The following PAK5 variants were observed in gnomAD, a reference collection of about 807,000 sequenced individuals.
PAK5 encodes p21 (RAC1) activated kinase 5.
A neutral mutation model predicts 65.9 loss-of-function variants in PAK5; 16 were observed. That is an observed-to-expected ratio of 0.24 (90% CI 0.16 to 0.37). The LOEUF (loss-of-function observed/expected upper bound fraction) is 0.37, where lower values mean the gene tolerates loss of function less well. Among genes scored for constraint, PAK5 ranks in the 10% least tolerant of loss-of-function variants. The probability of loss-of-function intolerance (pLI) is 1.00; values close to 1 mark genes in which losing one functional copy is unlikely to be tolerated. For missense variants in PAK5, 785 were observed against 903.9 expected (o/e 0.87, Z 1.69); for synonymous variants, 371 against 354.9 (o/e 1.05, Z -0.51).
chr20:9,786,327 C>A (rs1047243369), intron 1 of PAK5, among the ~76,000 whole-genome samples: 3 of 151,986 alleles, frequency 2.0e-5, no homozygotes, highest in Non-Finnish European at 4.4e-5. Context: ...CATACTGGCC[C>A]CCAGGAAGTG....
At chr20:9,559,463 A>G (rs2045560373) in intron 6 of PAK5, among the ~76,000 whole-genome samples, 2 of 152,206 alleles carry the variant, frequency 1.3e-5, no homozygotes, top group East Asian at 1.9e-4. Flanking sequence ...TACCAAAGGT[A>G]TAAAGTTGAT....
chr20:9,618,914 C>CTTTTTTT (rs2046714022), intron 3 of PAK5, among the ~76,000 whole-genome samples: 1 of 21,852 alleles, frequency 4.6e-5, no homozygotes, highest in African/African-American at 1.7e-4. Context: ...CTCTTTCTTT[C>CTTTTTTT]GTTTTTTTTT....
chr20:9,595,559 A>T (rs6056729), intron 3 of PAK5, among the ~76,000 whole-genome samples: 33,239 of 152,130 alleles, frequency 0.22, 5,108 homozygotes, highest in African/African-American at 0.44. Flanking sequence ...GATAAAGCAA[A>T]ACACACACAT....
chr20:9,589,995 T>A (rs991831572), intron 3 of PAK5, among the ~76,000 whole-genome samples: 2 of 150,744 alleles, frequency 1.3e-5, no homozygotes, highest in Non-Finnish European at 3.0e-5. Flanking sequence ...TATTACAAAT[T>A]TTTTTTTTTG....
chr20:9,623,340 TC>T (rs2046798055), intron 3 of PAK5, among the ~76,000 whole-genome samples: 1 of 151,728 alleles, frequency 6.6e-6, no homozygotes, highest in African/African-American at 2.4e-5. Flanking sequence ...CAGTGGAAAC[TC>T]CAAGTTAATA....
At chr20:9,754,681 A>G (rs960648047) in intron 1 of PAK5, among the ~76,000 whole-genome samples, 4 of 152,158 alleles carry the variant, frequency 2.6e-5, no homozygotes, top group African/African-American at 9.6e-5. Flanking sequence ...CATAGGCAAG[A>G]AGGGGTTTTG....
At chr20:9,624,360 G>A (rs143241742) in intron 3 of PAK5, among the ~76,000 whole-genome samples, 11 of 152,008 alleles carry the variant, frequency 7.2e-5, no homozygotes, top group African/African-American at 2.2e-4. Flanking sequence ...AGCCCATGAC[G>A]GGTATTCAAT....
chr20:9,658,856 G>C (rs1306803975), intron 2 of PAK5, among the ~76,000 whole-genome samples: 2 of 152,122 alleles, frequency 1.3e-5, no homozygotes, highest in Non-Finnish European at 2.9e-5. Context: ...ATGTGAGCCA[G>C]CTCCAGATAC....
Position 9,699,439 on chromosome 20 carries a change from T to C in PAK5, c.-12+11847A>G, listed in dbSNP as rs192803532. ...TCTGTATGGAAACACCAGTTCCTAG[T>C]AGTAGAGAAATAGCCTTGGGTGTAT... On this transcript the variant is annotated intron_variant, in intron 2 of 9. Transcript: ENST00000353224. Among the ~76,000 whole-genome samples, 36 of 151,972 alleles carry C rather than the reference T, an allele frequency of 2.4e-4. No individual in the cohort carries two copies. In the East Asian group the frequency reaches 4.1e-3, roughly 17 times the overall value.
chr20:9,788,760 A>G (rs1762973020), intron 1 of PAK5, among the ~76,000 whole-genome samples: 1 of 152,142 alleles, frequency 6.6e-6, no homozygotes, highest in African/African-American at 2.4e-5. Flanking sequence ...CTTGTCTTGG[A>G]TAACAAAGGG....
chr20:9,721,461 A>C (rs1341749828), intron 1 of PAK5, among the ~76,000 whole-genome samples: 2 of 151,948 alleles, frequency 1.3e-5, no homozygotes, highest in African/African-American at 4.8e-5. Flanking sequence ...CAGCCTGGCC[A>C]ACATGGTGAA....
chr20:9,609,613 T>A (rs995479048), intron 3 of PAK5, among the ~76,000 whole-genome samples: 2 of 152,144 alleles, frequency 1.3e-5, no homozygotes, highest in Non-Finnish European at 2.9e-5. Flanking sequence ...CCACCAGTGG[T>A]CAAAGCCATC....
intron 1 of PAK5, among the ~76,000 whole-genome samples, chr20:9,748,849 T>C (rs1464376898): frequency 6.6e-6 from 1 of 152,138 alleles, no homozygotes; most frequent in Non-Finnish European, 1.5e-5. Context: ...AATGAGAAAC[T>C]TATTTAATTA....
At chr20:9,813,362 C>G (rs986224695) in intron 1 of PAK5, among the ~76,000 whole-genome samples, 1 of 150,910 alleles carries the variant, frequency 6.6e-6, no homozygotes, top group African/African-American at 2.4e-5. Context: ...ACAGGTATAC[C>G]TCAATAAAGC....
At chr20:9,761,311 G>A (rs1016745361) in intron 1 of PAK5, among the ~76,000 whole-genome samples, 3 of 152,102 alleles carry the variant, frequency 2.0e-5, no homozygotes, top group South Asian at 2.1e-4. Flanking sequence ...GAATCAGGTG[G>A]TGATTATTAA....
chr20:9,672,100 C>G (rs959828642), intron 2 of PAK5, among the ~76,000 whole-genome samples: 3 of 151,858 alleles, frequency 2.0e-5, no homozygotes, highest in African/African-American at 4.8e-5. Flanking sequence ...GATTTTCCTA[C>G]AGAGGTAATC....
chr20:9,825,972 G>A (rs979571061), intron 1 of PAK5, among the ~76,000 whole-genome samples: 1 of 152,136 alleles, frequency 6.6e-6, no homozygotes, highest in Non-Finnish European at 1.5e-5. Flanking sequence ...ATGACCAAGA[G>A]GGTAACATAA....
intron 1 of PAK5, among the ~76,000 whole-genome samples, chr20:9,771,199 G>T (rs2048828336): frequency 6.6e-6 from 1 of 152,118 alleles, no homozygotes; most frequent in African/African-American, 2.4e-5. Flanking sequence ...CTGCTTAAAA[G>T]CCACATAGCC....
At chr20:9,747,346 T>G (rs2048520373) in intron 1 of PAK5, among the ~76,000 whole-genome samples, 1 of 152,060 alleles carries the variant, frequency 6.6e-6, no homozygotes, top group Non-Finnish European at 1.5e-5. Context: ...GAGGCCAGCA[T>G]CATCCTGATA....
Sources: gnomAD v4.1 joint callset for allele counts (sites outside exome capture counted in the v4.1 genomes callset) on GRCh38, gnomAD v4.1.1 for gene constraint, MANE v1.5 for transcripts, NCBI Gene and HGNC (gene_info 2026-07-23, HGNC 2026-07-21) for gene names.